The following MGAT5 variants were observed in gnomAD, a reference collection of about 807,000 sequenced individuals.
MGAT5 encodes the protein alpha-1,6-mannosylglycoprotein 6-beta-N-acetylglucosaminyltransferase A.
MGAT5 carries 30 observed loss-of-function variants against 94.3 expected under a neutral mutation model. The ratio of observed to expected loss-of-function variants is 0.32; its 90% CI spans 0.24 to 0.43. The LOEUF (loss-of-function observed/expected upper bound fraction) is 0.43, where lower values mean the gene tolerates loss of function less well. Ranked by LOEUF, MGAT5 falls within the 20% of genes least tolerant of loss-of-function variation. MGAT5 has a pLI of 1.00. For missense variants in MGAT5, 691 were observed against 905.5 expected (o/e 0.76, Z 3.04); for synonymous variants, 310 against 322.9 (o/e 0.96, Z 0.43).
intron 1 of MGAT5, among the ~76,000 whole-genome samples, chr2:134,200,231 A>T (rs749611025): frequency 2.8e-5 from 4 of 143,514 alleles, no homozygotes; most frequent in African/African-American, 5.2e-5. Flanking sequence ...TGACTGACTG[A>T]CCTTGGTAAG....
intron 10 of MGAT5, among the ~76,000 whole-genome samples, chr2:134,364,773 A>C (rs1247317233): frequency 5.9e-5 from 9 of 152,238 alleles, no homozygotes; most frequent in Admixed American, 5.9e-4. Context: ...AAAGATGAAA[A>C]ATCCTATAAA....
intron 8 of MGAT5, 149 bp from the exon 9 acceptor site, chr2:134,349,656 T>C: frequency 1.2e-6 from 1 of 818,582 alleles, no homozygotes; most frequent in Non-Finnish European, 1.9e-6. Context: ...ACACAAGCTA[T>C]TGTAAAACAT....
intron 4 of MGAT5, among the ~76,000 whole-genome samples, chr2:134,330,279 A>C (rs1425265851): frequency 6.6e-6 from 1 of 152,158 alleles, no homozygotes; most frequent in Non-Finnish European, 1.5e-5. Flanking sequence ...TTACATGCCT[A>C]GTTATTTGCA....
chr2:134,298,980 A>G (rs1218644694), intron 2 of MGAT5, among the ~76,000 whole-genome samples: 1 of 152,170 alleles, frequency 6.6e-6, no homozygotes, highest in Non-Finnish European at 1.5e-5. Context: ...TTTCTTGTGA[A>G]AGTTAGTGTC....
intron 8 of MGAT5, among the ~76,000 whole-genome samples, chr2:134,347,762 A>G (rs2106035253): frequency 6.6e-6 from 1 of 152,306 alleles, no homozygotes; most frequent in East Asian, 1.9e-4. Flanking sequence ...GGGGTCCTGG[A>G]ACAAATCCAC....
chr2:134,343,394 A>G (rs1326603198), intron 7 of MGAT5, among the ~76,000 whole-genome samples: 1 of 152,194 alleles, frequency 6.6e-6, no homozygotes. Flanking sequence ...CCCAGTTTTC[A>G]GGAACCTATT....
intron 2 of MGAT5, among the ~76,000 whole-genome samples, chr2:134,276,645 G>C (rs903971236): frequency 6.6e-6 from 1 of 152,210 alleles, no homozygotes; most frequent in African/African-American, 2.4e-5. Context: ...AAATGAAGGA[G>C]TTTCTATTTT....
intron 2 of MGAT5, among the ~76,000 whole-genome samples, chr2:134,303,134 G>C (rs1374370415): frequency 6.6e-6 from 1 of 152,034 alleles, no homozygotes; most frequent in African/African-American, 2.4e-5. Flanking sequence ...GAATGTCTCT[G>C]TTTTTAGGTT....
chr2:134,426,207 T>A (rs1684579584), intron 13 of MGAT5, among the ~76,000 whole-genome samples: 1 of 151,574 alleles, frequency 6.6e-6, no homozygotes, highest in South Asian at 2.1e-4. Flanking sequence ...ACTCACCGAC[T>A]TCCTTCCTTC....
intron 1 of MGAT5, among the ~76,000 whole-genome samples, chr2:134,256,716 A>G (rs952114811): frequency 6.6e-6 from 1 of 152,256 alleles, no homozygotes; most frequent in African/African-American, 2.4e-5. Context: ...TCTCAAAGAA[A>G]CTATAGAAAT....
intron 15 of MGAT5, among the ~76,000 whole-genome samples, chr2:134,445,025 A>G (rs1424698497): frequency 6.6e-6 from 1 of 152,212 alleles, no homozygotes; most frequent in African/African-American, 2.4e-5. Context: ...ACACAGGAAC[A>G]TGTGTTCCTG....
chr2:134,408,560 G>A (rs1167699302), intron 11 of MGAT5, among the ~76,000 whole-genome samples: 1 of 152,168 alleles, frequency 6.6e-6, no homozygotes, highest in African/African-American at 2.4e-5. Flanking sequence ...AAACATGCTT[G>A]GTGAGTCTTC....
rs1321677027 is a variant in MGAT5 at position 134,291,631 on chromosome 2, T to A, written c.406+21081T>A. On this transcript the variant is annotated intron_variant, in intron 2 of 15. Transcript: ENST00000281923. ...GGACTTGAGAAGTTCCTTAGCACGT[T>A]CATAGGGCGAAGTAAGGTCAGTGTG... Among the ~76,000 whole-genome samples the A allele has an allele frequency of 2.0e-5, 3 of 152,114 alleles. No individual in the cohort carries two copies. The East Asian group carries it at 5.8e-4, about 29-fold the overall frequency.
intron 1 of MGAT5, among the ~76,000 whole-genome samples, chr2:134,163,929 G>A (rs566924378): frequency 2.6e-5 from 4 of 152,284 alleles, no homozygotes; most frequent in East Asian, 1.9e-4. Context: ...TCCTGGGTGC[G>A]GAATTCAGTT....
At chr2:134,309,979 G>A in intron 2 of MGAT5, among the ~76,000 whole-genome samples, 1 of 152,130 alleles carries the variant, frequency 6.6e-6, no homozygotes, top group East Asian at 1.9e-4. Flanking sequence ...ACATTATCTT[G>A]GCAGTGTGTT....
chr2:134,146,170 A>T (rs141177203), intron 1 of MGAT5, among the ~76,000 whole-genome samples: 2,643 of 152,274 alleles, frequency 0.017, 38 homozygotes, highest in Non-Finnish European at 0.027. Flanking sequence ...TTCATAGGAG[A>T]CAAAAAATTT....
intron 11 of MGAT5, among the ~76,000 whole-genome samples, chr2:134,410,970 C>T (rs75708619): frequency 0.014 from 2,158 of 152,280 alleles, 33 homozygotes; most frequent in South Asian, 0.025. Flanking sequence ...ACTGGAGAGC[C>T]GGCACATCCT....
chr2:134,281,513 T>C (rs984566728), intron 2 of MGAT5, among the ~76,000 whole-genome samples: 4 of 152,204 alleles, frequency 2.6e-5, no homozygotes, highest in African/African-American at 7.2e-5. Flanking sequence ...ACCTATTGGC[T>C]TTGCCTGACC....
chr2:134,405,445 T>C (rs113015799), intron 11 of MGAT5, among the ~76,000 whole-genome samples: 2,353 of 152,300 alleles, frequency 0.015, 72 homozygotes, highest in African/African-American at 0.053. Context: ...CCCTCACACC[T>C]GGCACACAGC....
Sources: allele counts gnomAD v4.1 joint callset (sites outside exome capture counted in the v4.1 genomes callset), GRCh38; gene constraint gnomAD v4.1.1; transcripts MANE v1.5; gene names NCBI Gene and HGNC (gene_info 2026-07-23, HGNC 2026-07-21).